The following BARX2 variants were observed in gnomAD, a reference collection of about 807,000 sequenced individuals.
The protein encoded by BARX2 is homeobox protein BarH-like 2.
A neutral mutation model predicts 25.5 loss-of-function variants in BARX2; 11 were observed. The observed-to-expected ratio is 0.43, with a 90% CI of 0.27 to 0.71. The LOEUF is 0.71. BARX2 is among the 30% of genes least tolerant of loss of function. The pLI is 0.19. For missense variants in BARX2, 360 were observed against 359.9 expected, an observed-to-expected ratio of 1.00 and a Z score of 0.00; for synonymous variants, 137 against 149.5, an observed-to-expected ratio of 0.92 and a Z score of 0.61.
At chr11:129,396,489 CTTAAA>C (rs1000509390) in intron 1 of BARX2, among the ~76,000 whole-genome samples, 16 of 151,264 alleles carry the variant, frequency 1.1e-4, no homozygotes, top group African/African-American at 2.7e-4. Context: ...CTTGGGAATT[CTTAAA>C]TTAAAGGATT....
rs956943705 is a variant in BARX2 at position 129,411,859 on chromosome 11, G to A, written c.188-24892G>A. ...TGGGATCGAGACTCATAGGAATGGCGCCTCTCTGGAAGAGCATCAGATAGA... is the reference window on the plus strand; with the variant it reads ...TGGGATCGAGACTCATAGGAATGGCACCTCTCTGGAAGAGCATCAGATAGA... On this transcript the variant is annotated intron_variant, in intron 1 of 3. Coordinates refer to ENST00000281437, the MANE Select transcript of BARX2 (RefSeq NM_003658.5). 2.6e-5 allele frequency among the ~76,000 whole-genome samples: 4 copies of A among 152,204 alleles called. 1 individual carries two copies. The highest frequency in any genetic ancestry group is 4.1e-4 in the South Asian group (2 of 4,828).
chr11:129,411,797 A>G (rs1045116471), intron 1 of BARX2, among the ~76,000 whole-genome samples: 8 of 152,186 alleles, frequency 5.3e-5, no homozygotes, highest in African/African-American at 1.9e-4. Flanking sequence ...CAGCATTAAT[A>G]TTTTTTAAAG....
chr11:129,430,289 A>AAAT (rs57130221), intron 1 of BARX2, among the ~76,000 whole-genome samples: 39,172 of 151,914 alleles, frequency 0.26, 5,054 homozygotes, highest in Middle Eastern at 0.34. Context: ...CATTCAGAAA[A>AAAT]AATGTGACAT....
At chr11:129,385,377 TA>T (rs1170475782) in intron 1 of BARX2, among the ~76,000 whole-genome samples, 1 of 152,032 alleles carries the variant, frequency 6.6e-6, no homozygotes, top group African/African-American at 2.4e-5. Context: ...TAGTAAAAAA[TA>T]AAAAACAATT....
intron 3 of BARX2, among the ~76,000 whole-genome samples, chr11:129,445,993 G>C (rs1300749783): frequency 6.6e-6 from 1 of 152,220 alleles, no homozygotes; most frequent in Non-Finnish European, 1.5e-5. Flanking sequence ...TTGATTCTCA[G>C]ACTTATTCAC....
intron 1 of BARX2, among the ~76,000 whole-genome samples, chr11:129,378,357 A>G (rs978438643): frequency 2.0e-5 from 3 of 152,192 alleles, no homozygotes; most frequent in Non-Finnish European, 2.9e-5. Flanking sequence ...CCTTACATGT[A>G]TTAGATCATG....
intron 3 of BARX2, among the ~76,000 whole-genome samples, chr11:129,447,683 T>G (rs2135417790): frequency 6.6e-6 from 1 of 152,292 alleles, no homozygotes; most frequent in South Asian, 2.1e-4. Flanking sequence ...GGGATTTTTT[T>G]TTCATGCAGT....
intron 1 of BARX2, among the ~76,000 whole-genome samples, chr11:129,403,927 T>A (rs1403223607): frequency 1.3e-5 from 2 of 152,168 alleles, no homozygotes; most frequent in African/African-American, 4.8e-5. Context: ...GGTCTTGCTA[T>A]GTTGCCCAGG....
chr11:129,425,637 A>C (rs1282779895), intron 1 of BARX2, among the ~76,000 whole-genome samples: 1 of 152,226 alleles, frequency 6.6e-6, no homozygotes, highest in Non-Finnish European at 1.5e-5. Context: ...TAGCTCCAGC[A>C]TTGCTGAGTG....
chr11:129,431,973 C>G (rs1252285082), intron 1 of BARX2, among the ~76,000 whole-genome samples: 1 of 148,252 alleles, frequency 6.7e-6, no homozygotes, highest in Admixed American at 6.7e-5. Context: ...GGTCAAGGCT[C>G]TTATTATTTT....
chr11:129,445,017 AT>A (rs570045092), intron 3 of BARX2, among the ~76,000 whole-genome samples: 178 of 151,962 alleles, frequency 1.2e-3, no homozygotes, highest in African/African-American at 4.2e-3. Flanking sequence ...TAAAAATAAA[AT>A]AAATAAATAA....
intron 1 of BARX2, among the ~76,000 whole-genome samples, chr11:129,429,537 AC>A (rs1404021693): frequency 3.3e-5 from 5 of 152,278 alleles, no homozygotes; most frequent in African/African-American, 9.6e-5. Flanking sequence ...AGGAAAAAAA[AC>A]GGAAGTTCAA....
rs189003075 is a variant in BARX2, at chr11:129,401,742, G to C, written c.187+25520G>C. Among the ~76,000 whole-genome samples the C allele has an allele frequency of 7.4e-3, 1,130 of 152,266 alleles. 11 individuals are homozygous for C. The highest frequency in any genetic ancestry group is 0.012 in the Non-Finnish European group (836 of 68,012). ...AGGCTGAGGCGGGCAGATCACTTGA[G>C]GTCAGGAGTTGGAGACCAGCCTGGC... is the stretch of plus-strand genomic sequence containing the variant. On this transcript the variant is annotated intron_variant, in intron 1 of 3. Coordinates refer to ENST00000281437, the MANE Select transcript of BARX2 (RefSeq NM_003658.5).
intron 1 of BARX2, among the ~76,000 whole-genome samples, chr11:129,422,438 A>G (rs1299793982): frequency 7.9e-5 from 12 of 152,124 alleles, no homozygotes; most frequent in Non-Finnish European, 1.5e-4. Flanking sequence ...AGCTAGGACT[A>G]CAGGCACACA....
chr11:129,397,923 T>G (rs1484794234), intron 1 of BARX2, among the ~76,000 whole-genome samples: 2 of 152,234 alleles, frequency 1.3e-5, no homozygotes, highest in Non-Finnish European at 2.9e-5. Context: ...AACACTATGT[T>G]GAATACAGCT....
Position 129,401,850 on chromosome 11 carries a change from A to G in BARX2, c.187+25628A>G, listed in dbSNP as rs144004345. Among the ~76,000 whole-genome samples the G allele has an allele frequency of 8.9e-3, 1,352 of 151,986 alleles. 22 individuals are homozygous for G. The highest frequency in any genetic ancestry group is 0.031 in the African/African-American group (1,290 of 41,442). On this transcript the variant is annotated intron_variant, in intron 1 of 3. Transcript: ENST00000281437. ...AGACACCTATAATTCCAGCTACTTC[A>G]GAGGCTGAGGTGAGAGAATCGCTTG...
At chr11:129,447,217 C>T (rs147586289) in intron 3 of BARX2, among the ~76,000 whole-genome samples, 19 of 152,268 alleles carry the variant, frequency 1.2e-4, no homozygotes, top group African/African-American at 3.9e-4. Flanking sequence ...CACTGACATT[C>T]CCTGCCCCCT....
intron 1 of BARX2, among the ~76,000 whole-genome samples, chr11:129,425,388 G>A (rs564655910): frequency 6.6e-6 from 1 of 152,302 alleles, no homozygotes; most frequent in East Asian, 1.9e-4. Context: ...GCTGTTCCTG[G>A]CAGCTTTCCG....
chr11:129,419,094 A>C (rs1339135041), intron 1 of BARX2, among the ~76,000 whole-genome samples: 1 of 152,110 alleles, frequency 6.6e-6, no homozygotes. Flanking sequence ...GTGGGTGTAC[A>C]TGTGAGTGCG....
Sources: allele counts gnomAD v4.1 joint callset (sites outside exome capture counted in the v4.1 genomes callset), GRCh38; gene constraint gnomAD v4.1.1; transcripts MANE v1.5; gene names NCBI Gene and HGNC (gene_info 2026-07-23, HGNC 2026-07-21).